The following FSTL5 variants were observed in gnomAD, a reference collection of about 807,000 sequenced individuals.
FSTL5 encodes follistatin-related protein 5.
In FSTL5, 62 loss-of-function variants were observed where a neutral mutation model predicts 89.1. That is an observed-to-expected ratio of 0.70 (90% CI 0.57 to 0.86). FSTL5 has a LOEUF of 0.86. Among genes scored for constraint, FSTL5 ranks in the 40% least tolerant of loss-of-function variants. The pLI is 0.00. For synonymous variants in FSTL5, 383 were observed against 346.2 expected (o/e 1.11, Z -1.18); for missense variants, 1,057 against 1,001.6 (o/e 1.06, Z -0.75).
In FSTL5 at chr4:162,066,355, C is replaced by CTTCTTCTTCTTCTTGTTCTT. The variant is rs1553996329; in HGVS notation, c.127-32698_127-32697insAAGAACAAGAAGAAGAAGAA. 2.0e-3 allele frequency among the ~76,000 whole-genome samples: 121 copies of CTTCTTCTTCTTCTTGTTCTT among 61,180 alleles called. 2 individuals carry two copies. Among genetic ancestry groups the CTTCTTCTTCTTCTTGTTCTT allele is most frequent in the African/African-American group, 7.3e-3 (119 of 16,372 alleles). 40.1% of individuals were successfully genotyped at this position (61,180 alleles called of 152,430 possible). A position where few individuals can be genotyped will look rare whatever the true frequency, so the allele number is the denominator to read the frequency against. ...TTCTTCTTCTTCTTCTTCTTCTTCT[C>CTTCTTCTTCTTCTTGTTCTT]CTTCTTCTTCTTCTTCTCCTTCTTC... On this transcript the variant is annotated intron_variant, in intron 2 of 15. Transcript: ENST00000306100.
intron 7 of FSTL5, among the ~76,000 whole-genome samples, chr4:161,629,326 T>C (rs546136177): frequency 6.6e-6 from 1 of 152,056 alleles, no homozygotes; most frequent in Non-Finnish European, 1.5e-5. Flanking sequence ...TGAAAATCAA[T>C]GAAGTTATAG....
chr4:161,593,734 C>T (rs545341881), intron 7 of FSTL5, among the ~76,000 whole-genome samples: 136 of 152,152 alleles, frequency 8.9e-4, no homozygotes, highest in African/African-American at 3.2e-3. Flanking sequence ...CTACAGCTCC[C>T]AGAGGAAATT....
At chr4:161,976,206 C>T (rs993583644) in intron 3 of FSTL5, among the ~76,000 whole-genome samples, 1 of 151,868 alleles carries the variant, frequency 6.6e-6, no homozygotes, top group Admixed American at 6.6e-5. Context: ...GAGCGTAAGC[C>T]TTCTTTCCTT....
chr4:161,993,328 A>G (rs1315725397), intron 3 of FSTL5, among the ~76,000 whole-genome samples: 2 of 152,034 alleles, frequency 1.3e-5, no homozygotes, highest in Non-Finnish European at 2.9e-5. Context: ...ACTAAGAAAG[A>G]AAAAGGTAAA....
In FSTL5 at chr4:161,647,288, T is replaced by G. The variant is rs1560768699; in HGVS notation, c.894+9040A>C. ...TCTCCACTGTGTATTTTTGGTACCC[T>G]TCTAGAACATCAATTGAACATCTAT... On this transcript the variant is annotated intron_variant, in intron 7 of 15. Transcript: ENST00000306100. 2.6e-5 allele frequency among the ~76,000 whole-genome samples: 4 copies of G among 152,182 alleles called. 1 individual carries two copies. In the East Asian group the frequency reaches 5.8e-4, roughly 22 times the overall value.
intron 7 of FSTL5, among the ~76,000 whole-genome samples, chr4:161,619,528 A>G (rs559407785): frequency 2.0e-5 from 3 of 152,368 alleles, no homozygotes; most frequent in Admixed American, 6.5e-5. Context: ...AAAGTGGGCG[A>G]AGGACATGAA....
chr4:161,863,645 C>T (rs1398841578), intron 4 of FSTL5, among the ~76,000 whole-genome samples: 1 of 152,116 alleles, frequency 6.6e-6, no homozygotes, highest in African/African-American at 2.4e-5. Flanking sequence ...ATTTTCCTCA[C>T]CCTCCCTCAC....
chr4:162,011,587 A>G (rs111943054), intron 3 of FSTL5, among the ~76,000 whole-genome samples: 14,684 of 151,856 alleles, frequency 0.097, 837 homozygotes, highest in Non-Finnish European at 0.13. Flanking sequence ...TCTGCCTCCC[A>G]GGTTCAAGTG....
At chr4:161,602,474 C>T (rs548075925) in intron 7 of FSTL5, among the ~76,000 whole-genome samples, 141 of 151,864 alleles carry the variant, frequency 9.3e-4, no homozygotes, top group African/African-American at 3.2e-3. Context: ...GTCTAAAATA[C>T]GTACCATGGG....
intron 6 of FSTL5, among the ~76,000 whole-genome samples, chr4:161,685,211 G>A (rs1321050569): frequency 6.6e-6 from 1 of 152,054 alleles, no homozygotes; most frequent in Non-Finnish European, 1.5e-5. Flanking sequence ...TTTTTGTTTA[G>A]TCTTGCTTTG....
At chr4:161,785,118 T>C (rs1035144268) in intron 4 of FSTL5, among the ~76,000 whole-genome samples, 3 of 152,092 alleles carry the variant, frequency 2.0e-5, no homozygotes, top group Non-Finnish European at 4.4e-5. Flanking sequence ...AATAATAGAC[T>C]CAACATTCGA....
intron 4 of FSTL5, among the ~76,000 whole-genome samples, chr4:161,792,427 G>A (rs1319596027): frequency 6.6e-6 from 1 of 152,126 alleles, no homozygotes; most frequent in African/African-American, 2.4e-5. Context: ...AGAAGCTGGT[G>A]TCTGGTGAAA....
intron 6 of FSTL5, among the ~76,000 whole-genome samples, chr4:161,717,328 T>C (rs1739021416): frequency 6.6e-6 from 1 of 152,184 alleles, no homozygotes; most frequent in Admixed American, 6.5e-5. Flanking sequence ...ATAGGAAAGG[T>C]CATCTCTTTT....
chr4:161,385,950 T>C lies in FSTL5; in HGVS notation c.2341A>G (p.Ser781Gly), dbSNP rs1043142901. The change falls in exon 16 of 16, where the codon AGT becomes GGT. Residue 781 changes from serine (S) to glycine (G), a missense_variant. By Grantham distance (56) the Ser-to-Gly change is moderately conservative. Around this residue, in one of 3 missense-constraint regions of FSTL5, gnomAD observed 9 missense variants for 25.0 expected, o/e 0.36. Coordinates refer to ENST00000306100, the MANE Select transcript of FSTL5 (RefSeq NM_020116.5). ...LSSGKVKMIK[S>G]LKEPLKAEEW... ...TCTGCCTTGAGTGGTTCCTTGAGACTCTTTATCATCTTGACCTTCCCAGAA... is the reference window on the plus strand; with the variant it reads ...TCTGCCTTGAGTGGTTCCTTGAGACCCTTTATCATCTTGACCTTCCCAGAA... The C allele has an allele frequency of 1.2e-6, 2 of 1,613,994 alleles. No individual in the cohort carries two copies. Among genetic ancestry groups the C allele is most frequent in the Non-Finnish European group, 1.7e-6 (2 of 1,179,942 alleles).
At chr4:161,975,334 T>C (rs1211141443) in intron 3 of FSTL5, among the ~76,000 whole-genome samples, 1 of 152,006 alleles carries the variant, frequency 6.6e-6, no homozygotes, top group Non-Finnish European at 1.5e-5. Context: ...TTCACAATAG[T>C]AAAGACTTGG....
At chr4:161,754,872 TAATTTGATTA>T (rs1740519660) in intron 6 of FSTL5, among the ~76,000 whole-genome samples, 1 of 152,164 alleles carries the variant, frequency 6.6e-6, no homozygotes, top group Non-Finnish European at 1.5e-5. Flanking sequence ...CTTAATGTTA[TAATTTGATTA>T]AATTTGAATT....
chr4:162,033,560 C>T, intron 3 of FSTL5, 65 bp downstream of exon 3: 1 of 799,950 alleles, frequency 1.3e-6, no homozygotes, highest in Non-Finnish European at 2.0e-6. Flanking sequence ...AAAGTAGCAT[C>T]ACATATCTTT....
chr4:161,923,720 A>G lies in FSTL5; in HGVS notation c.161-3068T>C, dbSNP rs374514707. ...CCAATTTTTAGGGGAATGCTCTCCT[A>G]TAACATGTCATATCTAGTATATATA... On this transcript the variant is annotated intron_variant, in intron 3 of 15. Coordinates refer to ENST00000306100, the MANE Select transcript of FSTL5 (RefSeq NM_020116.5). Among the ~76,000 whole-genome samples the G allele has an allele frequency of 7.7e-4, 117 of 151,854 alleles. 1 individual carries two copies. Among genetic ancestry groups the G allele is most frequent in the Middle Eastern group, 6.8e-3 (2 of 294 alleles).
At chr4:162,002,877 G>A (rs1736506133) in intron 3 of FSTL5, among the ~76,000 whole-genome samples, 1 of 152,008 alleles carries the variant, frequency 6.6e-6, no homozygotes, top group African/African-American at 2.4e-5. Flanking sequence ...GGGTGCAGTG[G>A]CTCATGCCTG....
Sources: allele counts gnomAD v4.1 joint callset (sites outside exome capture counted in the v4.1 genomes callset), GRCh38; gene constraint gnomAD v4.1.1; regional missense constraint gnomAD v4.1.1; transcripts MANE v1.5; gene names NCBI Gene and HGNC (gene_info 2026-07-23, HGNC 2026-07-21).